Variants in C22orf31 observed in about 807,000 individuals in gnomAD.
C22orf31 encodes the protein chromosome 22 open reading frame 31, also known as uncharacterized protein C22orf31.
C22orf31 carries 11 observed loss-of-function variants against 15.0 expected under a neutral mutation model. That is an observed-to-expected ratio of 0.73 (90% CI 0.46 to 1.21). C22orf31 has a LOEUF of 1.21. Among genes scored for constraint, C22orf31 ranks in the 50% most tolerant of loss-of-function variants. The pLI, the probability that C22orf31 is intolerant of heterozygous loss-of-function variation, is 0.00. For synonymous variants in C22orf31, 132 were observed against 133.3 expected, an observed-to-expected ratio of 0.99 and a Z score of 0.07; for missense variants, 340 against 347.2, an observed-to-expected ratio of 0.98 and a Z score of 0.17.
At chr22:29,060,023 T>TTC in intron 2 of C22orf31, 1 of 222,742 alleles carries the variant, frequency 4.5e-6, no homozygotes, top group Non-Finnish European at 5.2e-6. Context: ...TTTCTTTTCT[T>TTC]TTTTTTTTTT....
chr22:29,059,759 G>GTT (rs1369040316), intron 2 of C22orf31: 7 of 984,702 alleles, frequency 7.1e-6, no homozygotes, highest in Admixed American at 6.2e-5. Flanking sequence ...CTGACCACTG[G>GTT]TTGTGTGTGT....
rs2037395103 is a variant in C22orf31, at chr22:29,061,831, A to G, written c.-39T>C. On this transcript the variant is annotated 5_prime_UTR_variant, in exon 1 of 3. Transcript: ENST00000216071. Reference sequence around the variant, plus strand: ...TAAATTTTATTTTCGCTAGCTTAGTAAGGGGAAGAAATATGTATTTTCTCT... The same window carrying G: ...TAAATTTTATTTTCGCTAGCTTAGTGAGGGGAAGAAATATGTATTTTCTCT... 3 of 1,481,664 alleles carry G rather than the reference A, an allele frequency of 2.0e-6. No individual in the cohort carries two copies. Among genetic ancestry groups the G allele is most frequent in the Non-Finnish European group, 2.8e-6 (3 of 1,079,344 alleles). 91.8% of individuals were successfully genotyped at this position (1,481,664 alleles called of 1,614,324 possible). A position where few individuals can be genotyped will look rare whatever the true frequency, so the allele number is the denominator to read the frequency against.
chr22:29,061,561 C>T (rs1213798310), intron 1 of C22orf31, among the ~76,000 whole-genome samples: 5 of 152,090 alleles, frequency 3.3e-5, no homozygotes, highest in Non-Finnish European at 5.9e-5. Context: ...CCACCATGTT[C>T]GGCTGAATAC....
At chr22:29,071,212 T>A in the C22orf31 span, among the ~76,000 whole-genome samples, 1 of 151,878 alleles carries the variant, frequency 6.6e-6, no homozygotes, top group Non-Finnish European at 1.5e-5. Context: ...GGATGGTGGG[T>A]GCCCCTAAGT....
the C22orf31 span, among the ~76,000 whole-genome samples, chr22:29,071,061 G>C: frequency 6.6e-6 from 1 of 152,020 alleles, no homozygotes; most frequent in African/African-American, 2.4e-5. Context: ...CAGAAGTCCT[G>C]GAATAAGGGT....
At position 29,060,639 on chromosome 22, in the gene C22orf31, T is replaced by C. The variant is rs1430185526; in HGVS notation, c.208A>G (p.Ile70Val). 1.2e-6 allele frequency: 2 copies of C among 1,614,112 alleles called. No individual in the cohort carries two copies. Residue 70 changes from isoleucine to valine, a missense_variant, in exon 2 of 3, where the codon ATT (isoleucine) becomes GTT (valine). Ile to Val is a conservative substitution (Grantham distance 29). Transcript: ENST00000216071. ...SSWEVVRNPLIASSFSLVKLV... is the reference protein window; with the variant it reads ...SSWEVVRNPLVASSFSLVKLV... ...TTAACCAGGGAGAAGGAACTGGCAA[T>C]TAATGGGTTCCTTACAACTTCCCAA... is the stretch of plus-strand genomic sequence containing the variant.
rs370251200 is a variant in C22orf31, at chr22:29,061,366, A to C, written c.3+424T>G. 1.1e-4 allele frequency among the ~76,000 whole-genome samples: 16 copies of C among 152,244 alleles called. No homozygotes were observed. In the East Asian group the frequency reaches 2.1e-3, roughly 20 times the overall value. On this transcript the variant is annotated intron_variant, in intron 1 of 2. Coordinates refer to ENST00000216071, the MANE Select transcript of C22orf31 (RefSeq NM_015370.2). ...ACTGCAACCTCCGCCTCCCGGGCTCAAGGGATTCTTCTGCCTCAGCCTCCG... is the reference window on the plus strand; with the variant it reads ...ACTGCAACCTCCGCCTCCCGGGCTCCAGGGATTCTTCTGCCTCAGCCTCCG...
chr22:29,059,148 A>G lies in C22orf31; in HGVS notation c.467T>C (p.Val156Ala). The G allele has an allele frequency of 6.2e-7, 1 of 1,611,618 alleles. No individual in the cohort carries two copies. Among genetic ancestry groups the G allele is most frequent in the Non-Finnish European group, 8.5e-7 (1 of 1,179,088 alleles). ...ATATCTGTCCTCAAGATCTTGGCGG[A>G]CTGTTAGTTTTTTCTCCTTTGAACT... ...KESSKEKKLTVRQDLEDRYAE... is the reference protein window; with the variant it reads ...KESSKEKKLTARQDLEDRYAE... Residue 156 changes from valine (V) to alanine (A), a missense_variant, in exon 3 of 3, where the codon GTC (valine) becomes GCC (alanine). Coordinates refer to ENST00000216071, the MANE Select transcript of C22orf31 (RefSeq NM_015370.2).
the C22orf31 span, among the ~76,000 whole-genome samples, chr22:29,068,198 C>A: frequency 1.3e-5 from 2 of 151,690 alleles, no homozygotes; most frequent in African/African-American, 4.8e-5. Flanking sequence ...TCTCCTGCCT[C>A]AGCCTCCCAA....
chr22:29,073,226 C>G, the C22orf31 span: 3 of 1,164,568 alleles, frequency 2.6e-6, no homozygotes, highest in Admixed American at 1.4e-4. The surrounding 1 kb of genome is among the most constrained non-coding windows in gnomAD (Gnocchi z 4.4). Context: ...GCCCCGGACC[C>G]GGTGAGTGTG....
intron 2 of C22orf31, 95 bp downstream of exon 2, chr22:29,060,320 G>C: frequency 2.6e-6 from 3 of 1,158,160 alleles, no homozygotes; most frequent in Non-Finnish European, 3.7e-6. Context: ...GGCGGTAGCC[G>C]CACGCCATAT....
At position 29,060,414 on chromosome 22, in the gene C22orf31, C is replaced by A. The variant is rs774509292; in HGVS notation, c.432+1G>T. The stretch of plus-strand genomic sequence containing the variant: ...TTTCCCCACCACTGGTCCTCGTCTA[C>A]CTCTCTGATGCCTCCTGCAGGCCTC... On this transcript the variant is annotated splice_donor_variant, in intron 2 of 2. Transcript: ENST00000216071. LOFTEE classifies it high-confidence loss of function. 1.2e-6 allele frequency: 2 copies of A among 1,608,766 alleles called. No homozygotes were observed. The highest frequency in any genetic ancestry group is 1.7e-6 in the Non-Finnish European group (2 of 1,178,108).
the C22orf31 span, among the ~76,000 whole-genome samples, chr22:29,072,456 T>C: frequency 6.6e-6 from 1 of 152,286 alleles, no homozygotes; most frequent in South Asian, 2.1e-4. Context: ...GTGCAAGCGC[T>C]CTGAGGAGTA....
Position 29,058,721 on chromosome 22 carries a change from T to G in C22orf31, c.*21A>C, listed in dbSNP as rs767328946. 3 of 1,566,446 alleles carry G rather than the reference T, an allele frequency of 1.9e-6. No individual in the cohort carries two copies. The East Asian group carries it at 6.7e-5, about 35-fold the overall frequency. On this transcript the variant is annotated 3_prime_UTR_variant, in exon 3 of 3. Transcript: ENST00000216071. The stretch of plus-strand genomic sequence containing the variant: ...TTCAGATCTCTAGCAGAGAATACTC[T>G]AATCCCATGAGTTCTTGTTCCTATT...
chr22:29,067,134 G>C, the C22orf31 span, among the ~76,000 whole-genome samples: 1 of 151,872 alleles, frequency 6.6e-6, no homozygotes, highest in Non-Finnish European at 1.5e-5. Context: ...TTTAAAGCTG[G>C]GACAGTCTGT....
upstream of C22orf31, among the ~76,000 whole-genome samples, chr22:29,062,578 T>G (rs1248919669): frequency 1.3e-5 from 2 of 152,106 alleles, no homozygotes; most frequent in Non-Finnish European, 2.9e-5. Context: ...ATTCTTTTAT[T>G]TGTAAAATGC....
At chr22:29,067,184 A>G in the C22orf31 span, among the ~76,000 whole-genome samples, 1 of 152,052 alleles carries the variant, frequency 6.6e-6, no homozygotes. Flanking sequence ...ATGTTAAAAA[A>G]TTATTTTAAA....
At chr22:29,060,222 A>C (rs540684695) in intron 2 of C22orf31, among the ~76,000 whole-genome samples, 193 bp downstream of exon 2, 1 of 139,274 alleles carries the variant, frequency 7.2e-6, no homozygotes, top group Admixed American at 7.3e-5. Context: ...AGTAGAGATG[A>C]GGTCTCCCTA....
chr22:29,073,634 C>T, the C22orf31 span, among the ~76,000 whole-genome samples: 3 of 151,944 alleles, frequency 2.0e-5, no homozygotes, highest in African/African-American at 7.2e-5. The surrounding 1 kb of genome is among the most constrained non-coding windows in gnomAD (Gnocchi z 4.4). Context: ...TCCCCGGTAC[C>T]TCCTGGGATC....
Sources: gnomAD v4.1 joint callset for allele counts (sites outside exome capture counted in the v4.1 genomes callset) on GRCh38, gnomAD v4.1.1 for gene constraint, Gnocchi (gnomAD v3.1) non-coding constraint, MANE v1.5 for transcripts, NCBI Gene and HGNC (gene_info 2026-07-23, HGNC 2026-07-21) for gene names.